Variants in SLC26A7 observed in about 807,000 individuals in gnomAD.
The protein encoded by SLC26A7 is anion exchange transporter.
SLC26A7 carries 59 observed loss-of-function variants against 82.5 expected under a neutral mutation model. That is an observed-to-expected ratio of 0.72 (90% confidence interval 0.58 to 0.89). SLC26A7 has a LOEUF of 0.89. Ranked by LOEUF, SLC26A7 falls within the 40% of genes least tolerant of loss-of-function variation. SLC26A7 has a pLI of 0.00. For missense variants in SLC26A7, 820 were observed against 793.0 expected, an observed-to-expected ratio of 1.03 and a Z score of -0.41; for synonymous variants, 271 against 274.3, an observed-to-expected ratio of 0.99 and a Z score of 0.12.
intron 2 of SLC26A7, among the ~76,000 whole-genome samples, chr8:91,274,390 G>A (rs1811350719): frequency 6.6e-6 from 1 of 152,182 alleles, no homozygotes; most frequent in African/African-American, 2.4e-5. Flanking sequence ...GGAAGTCCAA[G>A]TCTGAACAGC....
At chr8:91,309,016 A>C (rs1166475949) in intron 4 of SLC26A7, among the ~76,000 whole-genome samples, 2 of 152,102 alleles carry the variant, frequency 1.3e-5, no homozygotes, top group Non-Finnish European at 2.9e-5. Flanking sequence ...TTAGACTTTA[A>C]GATTTAGATG....
chr8:91,352,827 A>C, intron 10 of SLC26A7, 74 bp from the exon 11 acceptor site: 6 of 1,197,698 alleles, frequency 5.0e-6, no homozygotes, highest in Non-Finnish European at 7.2e-6. Flanking sequence ...AAAAAAATAA[A>C]AATACCTTAG....
chr8:91,394,099 C>A (rs922001697), intron 18 of SLC26A7, 60 bp downstream of exon 18: 19 of 1,587,258 alleles, frequency 1.2e-5, no homozygotes, highest in African/African-American at 6.8e-5. Flanking sequence ...AGAATCGAAG[C>A]TTTGCATCTT....
chr8:91,313,686 T>G (rs75900374), intron 4 of SLC26A7, among the ~76,000 whole-genome samples: 1 of 152,132 alleles, frequency 6.6e-6, no homozygotes, highest in African/African-American at 2.4e-5. Context: ...TCATTTCACA[T>G]CTCTTTACAC....
upstream of SLC26A7, among the ~76,000 whole-genome samples, chr8:91,248,244 C>T (rs537177961): frequency 1.3e-4 from 20 of 152,182 alleles, no homozygotes; most frequent in South Asian, 2.3e-3. Context: ...CACCCCGCTG[C>T]GTCTCTTCGT....
intron 11 of SLC26A7, among the ~76,000 whole-genome samples, chr8:91,360,797 A>C (rs533851524): frequency 1.3e-5 from 2 of 152,196 alleles, no homozygotes; most frequent in African/African-American, 4.8e-5. Flanking sequence ...ATTCTGCCAC[A>C]CTCGGGCAGA....
chr8:91,364,524 T>A (rs1814136813), intron 13 of SLC26A7, among the ~76,000 whole-genome samples: 2 of 152,192 alleles, frequency 1.3e-5, no homozygotes. Flanking sequence ...CAACTTTGCC[T>A]TTCTTTTCTT....
Position 91,249,968 on chromosome 8 carries a change from C to T in SLC26A7, c.193+124C>T, listed in dbSNP as rs569526160. 13 of 675,512 alleles carry T rather than the reference C, an allele frequency of 1.9e-5. No individual in the cohort carries two copies. In the South Asian group the frequency reaches 4.2e-4, roughly 22 times the overall value. 41.8% of individuals were successfully genotyped at this position (675,512 alleles called of 1,614,324 possible). On this transcript the variant is annotated intron_variant, in intron 2 of 18. Transcript: ENST00000276609. ...TAAATGGATATTAGCTGTGGGGAAA[C>T]AAGCATATTGGATATATTTGGAGAA...
rs1385654808 is a variant in SLC26A7 at position 91,258,801 on chromosome 8, G to A, written c.193+8957G>A. 5.3e-5 allele frequency among the ~76,000 whole-genome samples: 8 copies of A among 152,180 alleles called. 1 individual carries two copies. In the East Asian group the frequency reaches 1.5e-3, roughly 29 times the overall value. ...TCCTGAGCCCGTGCTTCTACCTTAA[G>A]AGCCACCAAAATTTACCCTGCTAGT... On this transcript the variant is annotated intron_variant, in intron 2 of 18. Transcript: ENST00000276609.
intron 16 of SLC26A7, among the ~76,000 whole-genome samples, chr8:91,391,254 C>A (rs895371247): frequency 6.6e-6 from 1 of 152,122 alleles, no homozygotes; most frequent in African/African-American, 2.4e-5. Flanking sequence ...ACAGCATAGT[C>A]CCAGCTGCAT....
rs559443779 is a variant in SLC26A7 at position 91,388,221 on chromosome 8, C to T, written c.1676-1117C>T. On this transcript the variant is annotated intron_variant, in intron 15 of 18. Coordinates refer to ENST00000276609, the MANE Select transcript of SLC26A7 (RefSeq NM_052832.4). ...TCTCGACTCACTGCAAGCTCCACCTCCCGGGTTCACGCCGTTCTCCTGCCT... is the reference window on the plus strand; with the variant it reads ...TCTCGACTCACTGCAAGCTCCACCTTCCGGGTTCACGCCGTTCTCCTGCCT... 7.9e-5 allele frequency among the ~76,000 whole-genome samples: 12 copies of T among 152,116 alleles called. No homozygotes were observed. In the South Asian group the frequency reaches 8.3e-4, roughly 11 times the overall value.
chr8:91,350,057 G>A (rs930743077), intron 9 of SLC26A7, among the ~76,000 whole-genome samples: 3 of 152,128 alleles, frequency 2.0e-5, no homozygotes, highest in Admixed American at 6.6e-5. Context: ...GCAATCATTA[G>A]TTCCCCTACT....
chr8:91,288,544 C>CT (rs2130764771), intron 2 of SLC26A7, among the ~76,000 whole-genome samples: 1 of 152,266 alleles, frequency 6.6e-6, no homozygotes, highest in Non-Finnish European at 1.5e-5. Context: ...TTTTTCCACT[C>CT]TAAGACACTG....
In SLC26A7 at chr8:91,343,464, C is replaced by T. The variant is rs1453649929; in HGVS notation, c.1138C>T (p.Gln380Ter). ...AGLYSTGAKT[Q>*]VACLISCIFV... Reference sequence around the variant, plus strand: ...CCTGTACAGCACAGGAGCGAAGACACAGGTAACTGAATTGTTCCACAGGGA... The same window carrying T: ...CCTGTACAGCACAGGAGCGAAGACATAGGTAACTGAATTGTTCCACAGGGA... The change falls in exon 9 of 19, where the codon CAG (glutamine) becomes TAG (stop). Residue 380 changes from glutamine (Q) to a stop codon, truncating the protein, a stop_gained and splice_region_variant. Coordinates refer to ENST00000276609, the MANE Select transcript of SLC26A7 (RefSeq NM_052832.4). LOFTEE classifies it high-confidence loss of function. 5 of 1,608,646 alleles carry T rather than the reference C, an allele frequency of 3.1e-6. No individual in the cohort carries two copies. In the South Asian group the frequency reaches 5.5e-5, roughly 18 times the overall value.
chr8:91,239,291 G>A (rs1175089671), intron 2 of SLC26A7, among the ~76,000 whole-genome samples: 16 of 149,194 alleles, frequency 1.1e-4, no homozygotes, highest in African/African-American at 4.0e-4. Flanking sequence ...AATGGCGTGA[G>A]CCCGGGAGGC....
At chr8:91,255,879 A>G (rs1810787170) in intron 2 of SLC26A7, among the ~76,000 whole-genome samples, 1 of 152,192 alleles carries the variant, frequency 6.6e-6, no homozygotes, top group Non-Finnish European at 1.5e-5. Flanking sequence ...AAGGTTTGCA[A>G]CAAAATACAT....
intron 5 of SLC26A7, among the ~76,000 whole-genome samples, chr8:91,321,556 G>A (rs1036366262): frequency 2.0e-5 from 3 of 152,176 alleles, no homozygotes; most frequent in African/African-American, 7.2e-5. Flanking sequence ...TATTCAAAGG[G>A]AGCCTCCAGA....
At chr8:91,218,094 A>C (rs1192730174) in intron 1 of SLC26A7, among the ~76,000 whole-genome samples, 1 of 152,136 alleles carries the variant, frequency 6.6e-6, no homozygotes, top group Admixed American at 6.6e-5. Flanking sequence ...ACAGCAATCA[A>C]ATCTCTCATT....
At chr8:91,373,123 G>A (rs1003694807) in intron 15 of SLC26A7, among the ~76,000 whole-genome samples, 3 of 151,902 alleles carry the variant, frequency 2.0e-5, no homozygotes, top group Non-Finnish European at 2.9e-5. Context: ...AAACCTTTTG[G>A]TAGAGTCTTC....
Sources: gnomAD v4.1 joint callset for allele counts (sites outside exome capture counted in the v4.1 genomes callset) on GRCh38, gnomAD v4.1.1 for gene constraint, MANE v1.5 for transcripts, NCBI Gene and HGNC (gene_info 2026-07-23, HGNC 2026-07-21) for gene names.